DACH1: variants seen among roughly 807,000 people sequenced by gnomAD.
The protein encoded by DACH1 is dachshund family transcription factor 1.
A neutral mutation model predicts 54.2 loss-of-function variants in DACH1; 12 were observed. The ratio of observed to expected loss-of-function variants is 0.22; its 90% CI spans 0.14 to 0.36. The LOEUF is 0.36. Ranked by LOEUF, DACH1 falls within the 10% of genes least tolerant of loss-of-function variation. The pLI is 1.00. For synonymous variants in DACH1, 386 were observed against 366.2 expected (o/e 1.05, Z -0.62); for missense variants, 805 against 929.8 (o/e 0.87, Z 1.75).
chr13:71,510,052 G>A (rs939228616), intron 6 of DACH1, among the ~76,000 whole-genome samples: 1 of 151,914 alleles, frequency 6.6e-6, no homozygotes, highest in South Asian at 2.1e-4. Context: ...ACTTATTAGA[G>A]GCCCTTGACA....
At chr13:71,852,799 T>G (rs1044298307) in intron 1 of DACH1, among the ~76,000 whole-genome samples, 2 of 152,194 alleles carry the variant, frequency 1.3e-5, no homozygotes, top group African/African-American at 4.8e-5. Flanking sequence ...TAACAAAGTA[T>G]AGAAACGAAA....
chr13:71,775,581 A>C (rs575327631), intron 1 of DACH1, among the ~76,000 whole-genome samples: 22 of 152,164 alleles, frequency 1.4e-4, no homozygotes, highest in Non-Finnish European at 2.5e-4. Context: ...TAGCTATGAT[A>C]TGTTCTTATG....
intron 1 of DACH1, among the ~76,000 whole-genome samples, chr13:71,694,547 A>C (rs1173153746): frequency 6.6e-6 from 1 of 152,188 alleles, no homozygotes; most frequent in Non-Finnish European, 1.5e-5. Context: ...TTCTTTAATA[A>C]ATGACCTTTT....
At chr13:71,841,379 G>T (rs916089897) in intron 1 of DACH1, among the ~76,000 whole-genome samples, 3 of 151,756 alleles carry the variant, frequency 2.0e-5, no homozygotes, top group African/African-American at 7.3e-5. Context: ...GGGAGGAGGT[G>T]GCAAGAGGTT....
At chr13:71,477,119 T>A (rs1428293993) in intron 8 of DACH1, among the ~76,000 whole-genome samples, 11 of 115,286 alleles carry the variant, frequency 9.5e-5, no homozygotes, top group African/African-American at 2.9e-4. Context: ...TTTTTTTTTT[T>A]TTTTTTTTTT....
intron 1 of DACH1, among the ~76,000 whole-genome samples, chr13:71,791,827 A>G (rs530817010): frequency 6.9e-4 from 105 of 152,354 alleles, no homozygotes; most frequent in African/African-American, 2.4e-3. Flanking sequence ...TTAAGTATAT[A>G]AAGAAGCAGA....
chr13:71,678,827 T>C (rs560135673), intron 2 of DACH1, among the ~76,000 whole-genome samples: 1 of 152,082 alleles, frequency 6.6e-6, no homozygotes, highest in East Asian at 1.9e-4. Context: ...ACAGCCAAAT[T>C]GTTTTGATTT....
chr13:71,541,460 A>G (rs1883122099), intron 6 of DACH1, among the ~76,000 whole-genome samples: 1 of 152,170 alleles, frequency 6.6e-6, no homozygotes, highest in African/African-American at 2.4e-5. Context: ...CTTCAATAAA[A>G]GTATCAATTA....
chr13:71,846,774 T>TA (rs1358431737), intron 1 of DACH1, among the ~76,000 whole-genome samples: 1 of 152,216 alleles, frequency 6.6e-6, no homozygotes, highest in Non-Finnish European at 1.5e-5. Context: ...CTTAAGCAAG[T>TA]AAACTAACTG....
intron 6 of DACH1, among the ~76,000 whole-genome samples, chr13:71,492,183 TAATGTGTGAATGGCTGACCGCA>T (rs1408266071): frequency 1.3e-5 from 2 of 152,188 alleles, no homozygotes; most frequent in Non-Finnish European, 2.9e-5. Flanking sequence ...CATAGTCCTG[TAATGTGTGAATGGCTGACCGCA>T]AACTATATGT....
chr13:71,469,290 T>C (rs967580451), intron 10 of DACH1, among the ~76,000 whole-genome samples: 2 of 152,214 alleles, frequency 1.3e-5, no homozygotes, highest in East Asian at 1.9e-4. Flanking sequence ...ACTATTAATA[T>C]ACCTGTCTAA....
At chr13:71,561,216 C>T (rs1884563050) in intron 4 of DACH1, among the ~76,000 whole-genome samples, 1 of 152,090 alleles carries the variant, frequency 6.6e-6, no homozygotes. Context: ...TGCGCTTATG[C>T]TTGAGTTTCA....
intron 3 of DACH1, among the ~76,000 whole-genome samples, chr13:71,607,524 A>C (rs1055952484): frequency 6.6e-6 from 1 of 152,062 alleles, no homozygotes; most frequent in African/African-American, 2.4e-5. Flanking sequence ...TTTCAAAGCC[A>C]AGTGTACCTC....
intron 1 of DACH1, among the ~76,000 whole-genome samples, chr13:71,824,998 C>T (rs1276985247): frequency 2.6e-5 from 4 of 151,866 alleles, no homozygotes; most frequent in Non-Finnish European, 5.9e-5. Context: ...CTTAAGGAGG[C>T]CCCCACAGGA....
At position 71,856,370 on chromosome 13, in the gene DACH1, A is replaced by C. The variant is rs570287271; in HGVS notation, c.848+9552T>G. Among the ~76,000 whole-genome samples, 386 of 152,094 alleles carry C rather than the reference A, an allele frequency of 2.5e-3. 3 individuals carry two copies. Among genetic ancestry groups the C allele is most frequent in the Non-Finnish European group, 4.4e-3 (299 of 67,866 alleles). ...ATACTGTCAACAGTGCGTAAGAAAA[A>C]AATCAGTGAACAGCAGACATATATT... On this transcript the variant is annotated intron_variant, in intron 1 of 10. Coordinates refer to ENST00000613252, the MANE Select transcript of DACH1 (RefSeq NM_080759.6).
chr13:71,565,459 A>T (rs1392332154), intron 4 of DACH1, among the ~76,000 whole-genome samples: 1 of 152,184 alleles, frequency 6.6e-6, no homozygotes, highest in East Asian at 1.9e-4. Context: ...GAAATGCAAC[A>T]TCATTGACAC....
chr13:71,463,759 G>T (rs1876315296), intron 10 of DACH1, among the ~76,000 whole-genome samples: 2 of 151,912 alleles, frequency 1.3e-5, no homozygotes, highest in African/African-American at 4.8e-5. Flanking sequence ...CTGAAACACT[G>T]CTGTGTCAAA....
At chr13:71,503,268 G>A (rs74095952) in intron 6 of DACH1, among the ~76,000 whole-genome samples, 326 of 152,274 alleles carry the variant, frequency 2.1e-3, no homozygotes, top group African/African-American at 7.7e-3. Context: ...AAAACTGTGA[G>A]GGAAGGAACT....
intron 5 of DACH1, among the ~76,000 whole-genome samples, chr13:71,557,783 A>G (rs559699877): frequency 1.6e-4 from 24 of 151,918 alleles, no homozygotes; most frequent in African/African-American, 5.5e-4. Flanking sequence ...AAGACTAATC[A>G]AAAGGAAACA....
Sources: gnomAD v4.1 joint callset for allele counts (sites outside exome capture counted in the v4.1 genomes callset) on GRCh38, gnomAD v4.1.1 for gene constraint, MANE v1.5 for transcripts, NCBI Gene and HGNC (gene_info 2026-07-23, HGNC 2026-07-21) for gene names.